SLX4IP: variants seen among roughly 807,000 people sequenced by gnomAD.
SLX4IP encodes SLX4 interacting protein, also known as protein SLX4IP.
A neutral mutation model predicts 32.9 loss-of-function variants in SLX4IP; 34 were observed. The observed-to-expected ratio is 1.03, with a 90% CI of 0.79 to 1.38. The LOEUF is 1.38. Ranked by LOEUF, SLX4IP falls within the 40% of genes most tolerant of loss-of-function variation. The pLI, the probability that SLX4IP is intolerant of heterozygous loss-of-function variation, is 0.00. For missense variants in SLX4IP, 444 were observed against 479.0 expected (o/e 0.93, Z 0.68); for synonymous variants, 172 against 171.7 (o/e 1.00, Z -0.01).
chr20:10,608,452 T>C lies in SLX4IP; in HGVS notation c.405+6633T>C, dbSNP rs559458801. Among the ~76,000 whole-genome samples the C allele has an allele frequency of 4.5e-3, 689 of 151,538 alleles. 4 individuals are homozygous for C. The highest frequency in any genetic ancestry group is 7.3e-3 in the Non-Finnish European group (493 of 67,866). ...AGGCCGAGGCGGGCGGATCACGAGG[T>C]CAGGAGATCGAGACCATCCTGGCTA... On this transcript the variant is annotated intron_variant, in intron 6 of 7. Coordinates refer to ENST00000334534, the MANE Select transcript of SLX4IP (RefSeq NM_001009608.3).
At chr20:10,619,902 A>T (rs2067087502) in intron 6 of SLX4IP, among the ~76,000 whole-genome samples, 3 of 152,222 alleles carry the variant, frequency 2.0e-5, no homozygotes, top group Admixed American at 2.0e-4. Flanking sequence ...TAAAACCTAG[A>T]ATATTCTGTT....
chr20:10,463,720 T>G (rs1036332014), intron 2 of SLX4IP, among the ~76,000 whole-genome samples: 10 of 152,220 alleles, frequency 6.6e-5, no homozygotes, highest in Non-Finnish European at 8.8e-5. Context: ...CCCTCAGTTC[T>G]CAGTAAACAA....
intron 2 of SLX4IP, among the ~76,000 whole-genome samples, chr20:10,468,789 A>G (rs1044910526): frequency 4.6e-5 from 7 of 152,064 alleles, no homozygotes; most frequent in African/African-American, 1.7e-4. Flanking sequence ...TGTTTTATAT[A>G]TATTTCCAAT....
chr20:10,488,864 G>A (rs994835411), intron 2 of SLX4IP, among the ~76,000 whole-genome samples: 33 of 152,158 alleles, frequency 2.2e-4, no homozygotes, highest in African/African-American at 7.9e-4. Context: ...TCCATTTCAA[G>A]TTGACACACT....
At chr20:10,554,326 A>G (rs574455053) in intron 2 of SLX4IP, among the ~76,000 whole-genome samples, 4 of 152,264 alleles carry the variant, frequency 2.6e-5, no homozygotes, top group Admixed American at 2.6e-4. Context: ...ATATGGCACA[A>G]TTTGTTCTCT....
At chr20:10,518,511 TTCCTTCC>T (rs2065876923) in intron 2 of SLX4IP, among the ~76,000 whole-genome samples, 1 of 127,036 alleles carries the variant, frequency 7.9e-6, no homozygotes, top group Admixed American at 8.0e-5. Context: ...CCTTCCTTCC[TTCCTTCC>T]TTCCTTCCTT....
intron 6 of SLX4IP, among the ~76,000 whole-genome samples, chr20:10,609,021 G>A (rs1164072420): frequency 1.3e-5 from 2 of 152,034 alleles, no homozygotes; most frequent in African/African-American, 4.8e-5. Context: ...AAAGAGACAC[G>A]CTAAAGGCAA....
At chr20:10,549,584 G>A (rs1470893043) in intron 2 of SLX4IP, among the ~76,000 whole-genome samples, 1 of 152,242 alleles carries the variant, frequency 6.6e-6, no homozygotes, top group Non-Finnish European at 1.5e-5. Context: ...CATGAGGCTG[G>A]AAGTGTGTCC....
At chr20:10,545,371 C>G (rs1039708120) in intron 2 of SLX4IP, among the ~76,000 whole-genome samples, 3 of 152,126 alleles carry the variant, frequency 2.0e-5, no homozygotes, top group Non-Finnish European at 4.4e-5. Flanking sequence ...GCTGTTTTGT[C>G]TCCTGTAAAG....
intron 4 of SLX4IP, among the ~76,000 whole-genome samples, chr20:10,595,117 A>G (rs2066754151): frequency 6.6e-6 from 1 of 152,056 alleles, no homozygotes; most frequent in African/African-American, 2.4e-5. Context: ...AGGGGAGAAG[A>G]TGGGATCTTG....
chr20:10,460,920 A>T (rs1031430469), intron 2 of SLX4IP, among the ~76,000 whole-genome samples: 2 of 152,174 alleles, frequency 1.3e-5, no homozygotes, highest in African/African-American at 4.8e-5. Flanking sequence ...TTCACTATGA[A>T]ATCTCTAGTT....
At chr20:10,475,839 G>A (rs2065471593) in intron 2 of SLX4IP, among the ~76,000 whole-genome samples, 1 of 152,200 alleles carries the variant, frequency 6.6e-6, no homozygotes, top group Non-Finnish European at 1.5e-5. Context: ...GTCAGAAAGA[G>A]GGGCATAGAT....
At chr20:10,611,930 G>A (rs1220614801) in intron 6 of SLX4IP, among the ~76,000 whole-genome samples, 2 of 152,144 alleles carry the variant, frequency 1.3e-5, no homozygotes, top group African/African-American at 4.8e-5. Context: ...GTGGCCATTG[G>A]GCAAAGTGAA....
chr20:10,440,074 A>G lies in SLX4IP; in HGVS notation c.-30+4621A>G, dbSNP rs537662903. On this transcript the variant is annotated intron_variant, in intron 1 of 7. Coordinates refer to ENST00000334534, the MANE Select transcript of SLX4IP (RefSeq NM_001009608.3). ...ATATATAGAATATGGCTATTACAATATCGTGGACATAGAAATTCATTTGTG... is the reference window on the plus strand; with the variant it reads ...ATATATAGAATATGGCTATTACAATGTCGTGGACATAGAAATTCATTTGTG... Among the ~76,000 whole-genome samples the G allele has an allele frequency of 2.6e-5, 4 of 152,276 alleles. No individual in the cohort carries two copies. In the South Asian group the frequency reaches 8.3e-4, roughly 32 times the overall value.
chr20:10,613,192 C>G (rs2066988366), intron 6 of SLX4IP: 1 of 530,342 alleles, frequency 1.9e-6, no homozygotes, highest in Non-Finnish European at 3.4e-6. Context: ...CACTGCCTCC[C>G]TCCACCCTCC....
intron 2 of SLX4IP, among the ~76,000 whole-genome samples, chr20:10,524,313 C>T (rs1276435367): frequency 6.6e-6 from 1 of 152,250 alleles, no homozygotes; most frequent in Non-Finnish European, 1.5e-5. Flanking sequence ...CTGGACTCTT[C>T]TCAGGCTCTG....
intron 7 of SLX4IP, among the ~76,000 whole-genome samples, chr20:10,621,902 TA>T (rs1199790951): frequency 3.3e-5 from 5 of 152,222 alleles, no homozygotes; most frequent in African/African-American, 1.2e-4. Flanking sequence ...AACCTGTAAA[TA>T]TATGCTGAAG....
chr20:10,613,746 C>T (rs2066994579), intron 6 of SLX4IP: 8 of 1,613,588 alleles, frequency 5.0e-6, no homozygotes, highest in East Asian at 2.2e-5. Context: ...ATTCCTTATC[C>T]TGGGTTCCTC....
chr20:10,543,529 C>T (rs1290429596), intron 2 of SLX4IP, among the ~76,000 whole-genome samples: 1 of 152,114 alleles, frequency 6.6e-6, no homozygotes, highest in South Asian at 2.1e-4. Flanking sequence ...AGGACTGAGC[C>T]CTGGACTCTC....
Sources: gnomAD v4.1 joint callset for allele counts (sites outside exome capture counted in the v4.1 genomes callset) on GRCh38, gnomAD v4.1.1 for gene constraint, MANE v1.5 for transcripts, NCBI Gene and HGNC (gene_info 2026-07-23, HGNC 2026-07-21) for gene names.